Variants in SLC9A4 observed in about 807,000 individuals in gnomAD.
SLC9A4 encodes the protein sodium/hydrogen exchanger 4.
SLC9A4 carries 63 observed loss-of-function variants against 67.4 expected under a neutral mutation model. That is an observed-to-expected ratio of 0.93 (90% CI 0.76 to 1.15). SLC9A4 has a LOEUF of 1.15. Ranked by LOEUF, SLC9A4 falls within the 50% of genes most tolerant of loss-of-function variation. SLC9A4 has a pLI of 0.00. For missense variants in SLC9A4, 1,089 were observed against 987.7 expected, an observed-to-expected ratio of 1.10 and a Z score of -1.38; for synonymous variants, 393 against 367.2, an observed-to-expected ratio of 1.07 and a Z score of -0.80.
intron 2 of SLC9A4, among the ~76,000 whole-genome samples, chr2:102,496,624 A>G (rs922903690): frequency 2.6e-5 from 4 of 152,228 alleles, no homozygotes; most frequent in Admixed American, 1.3e-4. Context: ...GGGCTTATAT[A>G]CCATAGAGAA....
intron 2 of SLC9A4, among the ~76,000 whole-genome samples, chr2:102,487,292 G>T (rs1449652419): frequency 1.3e-5 from 2 of 152,094 alleles, no homozygotes; most frequent in Non-Finnish European, 2.9e-5. Context: ...GAAGAGCTTG[G>T]ACTTGGCTGG....
intron 8 of SLC9A4, among the ~76,000 whole-genome samples, chr2:102,518,087 T>C (rs987840025): frequency 2.6e-5 from 4 of 152,216 alleles, no homozygotes; most frequent in African/African-American, 7.2e-5. Flanking sequence ...TATAATTCCA[T>C]AGCTGCGGCT....
chr2:102,481,369 T>C (rs557103228), intron 2 of SLC9A4, among the ~76,000 whole-genome samples: 1 of 152,232 alleles, frequency 6.6e-6, no homozygotes, highest in Non-Finnish European at 1.5e-5. Context: ...ATGTTTGTTT[T>C]AATTTGCATT....
At position 102,519,894 on chromosome 2, in the gene SLC9A4, C is replaced by T. The variant is rs754824749; in HGVS notation, c.1757C>T (p.Pro586Leu). Residue 586 changes from proline (P) to leucine (L), a missense_variant, in exon 9 of 12, where the codon CCT (proline) becomes CTT (leucine). Physicochemically the swap from Pro to Leu is moderately conservative, Grantham distance 98 (BLOSUM62 -3). Coordinates refer to ENST00000295269, the MANE Select transcript of SLC9A4 (RefSeq NM_001011552.4). The part of the protein sequence containing the change: ...QRIQGIKRLS[P>L]EDVESIRDIL... ...ATACAAGGAATCAAAAGACTTTCCC[C>T]TGAAGATGTGGAGTCCATAAGGGAC... 6.2e-7 allele frequency: 1 copy of T among 1,613,744 alleles called. No individual in the cohort carries two copies. Among genetic ancestry groups the T allele is most frequent in the Non-Finnish European group, 8.5e-7 (1 of 1,179,756 alleles).
intron 4 of SLC9A4, among the ~76,000 whole-genome samples, chr2:102,506,307 G>A (rs189139361): frequency 1.1e-4 from 16 of 152,238 alleles, no homozygotes; most frequent in East Asian, 1.9e-4. Flanking sequence ...TATTTGAAGC[G>A]TTATGTTAAA....
rs532458770 is a variant in SLC9A4, at chr2:102,509,895, A to C, written c.1488+962A>C. Among the ~76,000 whole-genome samples the C allele has an allele frequency of 7.5e-4, 114 of 152,310 alleles. 2 individuals carry two copies. The highest frequency in any genetic ancestry group is 7.0e-3 in the South Asian group (34 of 4,830). On this transcript the variant is annotated intron_variant, in intron 6 of 11. Coordinates refer to ENST00000295269, the MANE Select transcript of SLC9A4 (RefSeq NM_001011552.4). ...GAGTCATCGATACTAAGCAAACTTC[A>C]ATGTTTCCTGGGCAAGCTCTATTTG...
At position 102,503,458 on chromosome 2, in the gene SLC9A4, A is replaced by C; in HGVS notation, c.731A>C (p.Asn244Thr). Residue 244 changes from asparagine (N) to threonine (T), a missense_variant, in exon 3 of 12, where the codon AAT (asparagine) becomes ACT (threonine). By Grantham distance (65) the Asn-to-Thr change is moderately conservative (BLOSUM62 0). Coordinates refer to ENST00000295269, the MANE Select transcript of SLC9A4 (RefSeq NM_001011552.4). ...LNDGITVVLY[N>T]MLIAFTKMHK... ...CTCTTTTTTGCCTAGGTCTTATACA[A>C]TATGTTAATTGCCTTTACAAAGATG... 1 of 1,608,908 alleles carries C rather than the reference A, an allele frequency of 6.2e-7. No individual in the cohort carries two copies. The highest frequency in any genetic ancestry group is 8.5e-7 in the Non-Finnish European group (1 of 1,176,364).
chr2:102,503,313 A>G (rs1285170877), intron 2 of SLC9A4, 135 bp from the exon 3 acceptor site: 1 of 813,864 alleles, frequency 1.2e-6, no homozygotes, highest in East Asian at 2.7e-5. Flanking sequence ...GTTAAAAGGC[A>G]GTCATCTTAG....
rs1466098855 is a variant in SLC9A4, at chr2:102,532,714, G to A, written c.*26G>A. On this transcript the variant is annotated 3_prime_UTR_variant, in exon 12 of 12. Transcript: ENST00000295269. ...TGTTATTGTCCACAAGATTGTTTTG[G>A]TGTTTCTCAAGAGTCTGTCTTCCTA... is the stretch of plus-strand genomic sequence containing the variant. 3 of 1,590,556 alleles carry A rather than the reference G, an allele frequency of 1.9e-6. No individual in the cohort carries two copies. The highest frequency in any genetic ancestry group is 2.6e-6 in the Non-Finnish European group (3 of 1,166,298).
intron 4 of SLC9A4, 118 bp from the exon 5 acceptor site, chr2:102,507,961 G>A (rs1191364352): frequency 2.3e-6 from 2 of 886,568 alleles, no homozygotes; most frequent in East Asian, 2.4e-5. Flanking sequence ...AATCATGGGT[G>A]TATGATGGAA....
chr2:102,520,066 G>T, intron 9 of SLC9A4, 111 bp downstream of exon 9: 1 of 770,050 alleles, frequency 1.3e-6, no homozygotes, highest in Admixed American at 2.7e-5. Flanking sequence ...CCTCTGTAAG[G>T]TGGTAACTTG....
At chr2:102,487,945 C>A (rs1223053328) in intron 2 of SLC9A4, among the ~76,000 whole-genome samples, 1 of 152,192 alleles carries the variant, frequency 6.6e-6, no homozygotes, top group Non-Finnish European at 1.5e-5. Context: ...TCATCTCCTG[C>A]CTTTGAGGAG....
chr2:102,487,740 G>T (rs41348650), intron 2 of SLC9A4, among the ~76,000 whole-genome samples: 1 of 152,156 alleles, frequency 6.6e-6, no homozygotes, highest in East Asian at 1.9e-4. Context: ...AAAGCCTCTC[G>T]TTATCAAGTT....
intron 8 of SLC9A4, among the ~76,000 whole-genome samples, chr2:102,519,061 T>C (rs1222537209): frequency 6.6e-6 from 1 of 152,216 alleles, no homozygotes; most frequent in Non-Finnish European, 1.5e-5. Context: ...TGTCACATGA[T>C]CATTCTTCCC....
In SLC9A4 at chr2:102,533,594, T is replaced by C. The variant is rs1351869389; in HGVS notation, c.*906T>C. ...TGCCATGCTGGTGTGCTGCACCCGCTAACTCGTCATCTAGCATTAGGTGTA... is the reference window on the plus strand; with the variant it reads ...TGCCATGCTGGTGTGCTGCACCCGCCAACTCGTCATCTAGCATTAGGTGTA... On this transcript the variant is annotated 3_prime_UTR_variant, in exon 12 of 12. Transcript: ENST00000295269. The C allele has an allele frequency of 6.6e-6, 1 of 151,420 alleles. No individual in the cohort carries two copies. Among genetic ancestry groups the C allele is most frequent in the Non-Finnish European group, 1.5e-5 (1 of 67,864 alleles). The allele number at this position is 151,420 out of a possible 1,614,324, so 9.4% of individuals were successfully genotyped here.
chr2:102,512,164 C>T (rs1482699263), intron 6 of SLC9A4, 39 bp from the exon 7 acceptor site: 23 of 1,610,906 alleles, frequency 1.4e-5, no homozygotes, highest in Non-Finnish European at 1.9e-5. Context: ...TCAGAGTTCG[C>T]GTTTCTCCAG....
intron 1 of SLC9A4, among the ~76,000 whole-genome samples, chr2:102,476,344 G>A (rs188994361): frequency 7.2e-5 from 11 of 152,288 alleles, no homozygotes; most frequent in Admixed American, 1.3e-4. Context: ...GTCCATTTAA[G>A]CTCTAAGGCC....
At chr2:102,500,983 G>A (rs932194179) in intron 2 of SLC9A4, among the ~76,000 whole-genome samples, 21 of 147,890 alleles carry the variant, frequency 1.4e-4, no homozygotes, top group Admixed American at 8.7e-4. Context: ...TAGTAAGATA[G>A]AGTTTCGCTC....
chr2:102,514,501 G>T (rs142735636), intron 8 of SLC9A4, among the ~76,000 whole-genome samples: 5 of 152,120 alleles, frequency 3.3e-5, no homozygotes. Flanking sequence ...TCTTTCTTTG[G>T]GAGGGAAGGG....
Sources: gnomAD v4.1 joint callset for allele counts (sites outside exome capture counted in the v4.1 genomes callset) on GRCh38, gnomAD v4.1.1 for gene constraint, MANE v1.5 for transcripts, NCBI Gene and HGNC (gene_info 2026-07-23, HGNC 2026-07-21) for gene names.